C17orf75: variants seen among roughly 807,000 people sequenced by gnomAD.
C17orf75 encodes the protein chromosome 17 open reading frame 75, also known as protein Njmu-R1.
Under a neutral mutation model 49.6 loss-of-function variants are expected in C17orf75, and 32 were observed. The observed-to-expected ratio is 0.65, with a 90% CI of 0.49 to 0.87. The LOEUF (loss-of-function observed/expected upper bound fraction) is 0.87, where lower values mean the gene tolerates loss of function less well. Among genes scored for constraint, C17orf75 ranks in the 40% least tolerant of loss-of-function variants. The pLI is 0.00. For missense variants in C17orf75, 428 were observed against 473.9 expected (o/e 0.90, Z 0.90); for synonymous variants, 158 against 159.5 (o/e 0.99, Z 0.07).
intron 5 of C17orf75, among the ~76,000 whole-genome samples, chr17:32,336,481 T>G (rs138009949): frequency 2.6e-5 from 4 of 152,346 alleles, no homozygotes; most frequent in African/African-American, 9.6e-5. Flanking sequence ...CTCAAAGTGC[T>G]GAGATTACAG....
intron 2 of C17orf75, among the ~76,000 whole-genome samples, chr17:32,340,261 G>A (rs1437467388): frequency 1.3e-5 from 2 of 151,996 alleles, no homozygotes; most frequent in Non-Finnish European, 2.9e-5. Context: ...TTAATTCCAT[G>A]GTCAGTCATT....
At position 32,337,958 on chromosome 17, in the gene C17orf75, T is replaced by G. The variant is rs1319060109; in HGVS notation, c.492-4A>C. 6.3e-7 allele frequency: 1 copy of G among 1,599,592 alleles called. No homozygotes were observed. Among genetic ancestry groups the G allele is most frequent in the Non-Finnish European group, 8.5e-7 (1 of 1,171,800 alleles). ...CTTGTCCAATTCAAGCCTGAAAGTA[T>G]GTTCTTAAGGAAGCAATAAAGGATG... On this transcript the variant is annotated splice_region_variant and splice_polypyrimidine_tract_variant and intron_variant, in intron 4 of 9. Transcript: ENST00000577809.
chr17:32,334,507 A>G lies in C17orf75; in HGVS notation c.833T>C (p.Ile278Thr). The change falls in exon 8 of 10, where the codon ATC becomes ACC. Residue 278 changes from isoleucine (I) to threonine (T), a missense_variant. Ile to Thr is a moderately conservative substitution (Grantham distance 89). Transcript: ENST00000577809. The stretch of plus-strand genomic sequence containing the variant: ...CTGAGGCTGGGAGCTGCTGCAATCG[A>G]TGACCACAGACTTATGCTGCTCCTC... ...MTEEQHKSVV[I>T]DCSSSQPQFC... 1.2e-6 allele frequency: 2 copies of G among 1,612,530 alleles called. No homozygotes were observed. The highest frequency in any genetic ancestry group is 1.7e-6 in the Non-Finnish European group (2 of 1,179,366).
chr17:32,339,125 T>C (rs7220802), intron 3 of C17orf75, among the ~76,000 whole-genome samples: 4,700 of 151,558 alleles, frequency 0.031, 212 homozygotes, highest in African/African-American at 0.11. Flanking sequence ...AGGAGAGGTG[T>C]AATGGAAAGA....
chr17:32,343,972 G>A (rs111459599), upstream of C17orf75: 71,099 of 678,442 alleles, frequency 0.1, 4,415 homozygotes, highest in Middle Eastern at 0.16. Context: ...CTTCATCGGG[G>A]TTCATATACA....
chr17:32,338,266 G>C lies in C17orf75; in HGVS notation c.433C>G (p.Arg145Gly). 6.2e-7 allele frequency: 1 copy of C among 1,613,242 alleles called. No individual in the cohort carries two copies. Among genetic ancestry groups the C allele is most frequent in the Non-Finnish European group, 8.5e-7 (1 of 1,179,570 alleles). ...LPETVTIDSE[R>G]NPSEYVVCFL... ...CAGACCACATATTCTGAAGGGTTAC[G>C]TTCAGAGTCTATCGTTACTGTTTCA... The change falls in exon 4 of 10, where the codon CGT becomes GGT. Residue 145 changes from arginine (R) to glycine (G), a missense_variant. Arg to Gly is a moderately radical substitution (Grantham distance 125). Transcript: ENST00000577809.
chr17:32,338,033 A>T (rs2041342464), intron 4 of C17orf75, 79 bp from the exon 5 acceptor site: 2 of 1,529,732 alleles, frequency 1.3e-6, no homozygotes, highest in Admixed American at 1.9e-5. Context: ...AAAATCTCTC[A>T]AATAATGTGA....
At chr17:32,332,554 C>T (rs1197133217) in intron 9 of C17orf75, among the ~76,000 whole-genome samples, 1 of 152,086 alleles carries the variant, frequency 6.6e-6, no homozygotes, top group African/African-American at 2.4e-5. Flanking sequence ...GCCTAAGGGC[C>T]GGTAGTTTGA....
At chr17:32,341,951 C>A in intron 1 of C17orf75, 49 bp downstream of exon 1, 2 of 1,230,470 alleles carry the variant, frequency 1.6e-6, no homozygotes, top group Non-Finnish European at 2.0e-6. Context: ...GGGCCGGGGG[C>A]GGGGCCGCAG....
Position 32,331,522 on chromosome 17 carries a change from G to A in C17orf75, c.*241C>T, listed in dbSNP as rs2041272696. The A allele has an allele frequency of 5.0e-6, 2 of 396,468 alleles. No homozygotes were observed. Among genetic ancestry groups the A allele is most frequent in the African/African-American group, 2.0e-5 (1 of 49,064 alleles). 24.6% of individuals were successfully genotyped at this position (396,468 alleles called of 1,614,324 possible). A position where few individuals can be genotyped will look rare whatever the true frequency, so the allele number is the denominator to read the frequency against. On this transcript the variant is annotated 3_prime_UTR_variant, in exon 10 of 10. Coordinates refer to ENST00000577809, the MANE Select transcript of C17orf75 (RefSeq NM_022344.4). Reference sequence around the variant, plus strand: ...TTAAGCAACAACTTCCTGAAGCGTGGAATTTATGGGGCCAGTGAGACACTA... The same window carrying A: ...TTAAGCAACAACTTCCTGAAGCGTGAAATTTATGGGGCCAGTGAGACACTA...
upstream of C17orf75, among the ~76,000 whole-genome samples, chr17:32,346,805 T>C (rs2041428687): frequency 6.6e-6 from 1 of 152,176 alleles, no homozygotes; most frequent in African/African-American, 2.4e-5. Context: ...TCTCTTGACC[T>C]CAGGTGATCC....
rs772471559 is a variant in C17orf75, at chr17:32,341,990, G to A, written c.140+10C>T. On this transcript the variant is annotated intron_variant, in intron 1 of 9. Transcript: ENST00000577809. ...CGGGCGGGCTGGCAGGCCGAGCTGG[G>A]CGCCAGCACCTGCTTCCGCGATAGC... The A allele has an allele frequency of 2.8e-6, 4 of 1,439,568 alleles. No homozygotes were observed. The South Asian group carries it at 5.6e-5, about 20-fold the overall frequency. The allele number at this position is 1,439,568 out of a possible 1,614,324, so 89.2% of individuals were successfully genotyped here.
chr17:32,334,172 T>A (rs190709020), intron 8 of C17orf75, among the ~76,000 whole-genome samples: 2 of 152,346 alleles, frequency 1.3e-5, no homozygotes, highest in East Asian at 1.9e-4. Flanking sequence ...GATAAACACT[T>A]AAATTGCTTC....
chr17:32,343,575 G>A (rs73272807), upstream of C17orf75: 2,235 of 400,372 alleles, frequency 5.6e-3, 35 homozygotes, highest in African/African-American at 0.043. Context: ...ATATCAAAGT[G>A]GATAGCACAG....
chr17:32,337,731 GC>G (rs1307045233), intron 5 of C17orf75, among the ~76,000 whole-genome samples, 165 bp downstream of exon 5: 1 of 152,114 alleles, frequency 6.6e-6, no homozygotes, highest in Non-Finnish European at 1.5e-5. Context: ...CTGCCACCAT[GC>G]CTGGCTAAGT....
At position 32,331,942 on chromosome 17, in the gene C17orf75, G is replaced by C; in HGVS notation, c.1012C>G (p.Arg338Gly). ...QDTNNLKRFI[R>G]QAEMNHYALF... Reference sequence around the variant, plus strand: ...GCATAATGATTCATTTCTGCCTGTCGGATAAATCTCTTCAAATTGTTTGTG... The same window carrying C: ...GCATAATGATTCATTTCTGCCTGTCCGATAAATCTCTTCAAATTGTTTGTG... Residue 338 changes from arginine (R) to glycine (G), a missense_variant, in exon 10 of 10, where the codon CGA becomes GGA. Physicochemically the swap from Arg to Gly is moderately radical, Grantham distance 125. Transcript: ENST00000577809. The C allele has an allele frequency of 6.2e-7, 1 of 1,612,894 alleles. No individual in the cohort carries two copies. The highest frequency in any genetic ancestry group is 8.5e-7 in the Non-Finnish European group (1 of 1,179,490).
chr17:32,336,760 G>A (rs1192981984), intron 5 of C17orf75, among the ~76,000 whole-genome samples: 1 of 152,110 alleles, frequency 6.6e-6, no homozygotes, highest in Non-Finnish European at 1.5e-5. Context: ...ACATGCCATT[G>A]AATAGATCGA....
At chr17:32,344,584 C>G (rs1363806350), upstream of C17orf75, among the ~76,000 whole-genome samples, 1 of 141,112 alleles carries the variant, frequency 7.1e-6, no homozygotes, top group Non-Finnish European at 1.5e-5. Flanking sequence ...GAGCCAGACT[C>G]TGTCTCAAAA....
chr17:32,341,127 T>A, intron 2 of C17orf75, 77 bp downstream of exon 2: 1 of 1,433,490 alleles, frequency 7.0e-7, no homozygotes, highest in South Asian at 1.1e-5. Context: ...GGAAATAGAG[T>A]ATCCACTGAC....
Sources: allele counts gnomAD v4.1 joint callset (sites outside exome capture counted in the v4.1 genomes callset), GRCh38; gene constraint gnomAD v4.1.1; transcripts MANE v1.5; gene names NCBI Gene and HGNC (gene_info 2026-07-23, HGNC 2026-07-21).